The following PLCG2 variants were observed in gnomAD, a reference collection of about 807,000 sequenced individuals.
The protein encoded by PLCG2 is phospholipase C gamma 2.
Under a neutral mutation model 175.6 loss-of-function variants are expected in PLCG2, and 69 were observed. That is an observed-to-expected ratio of 0.39 (90% confidence interval 0.32 to 0.48). The LOEUF is 0.48. Ranked by LOEUF, PLCG2 falls within the 20% of genes least tolerant of loss-of-function variation. The pLI is 0.91. For synonymous variants in PLCG2, 827 were observed against 624.0 expected (o/e 1.33, Z -4.85); for missense variants, 1,798 against 1,650.9 (o/e 1.09, Z -1.54).
At chr16:81,864,727 G>A (rs909990758) in intron 5 of PLCG2, among the ~76,000 whole-genome samples, 3 of 152,236 alleles carry the variant, frequency 2.0e-5, no homozygotes, top group Middle Eastern at 6.8e-3. Flanking sequence ...TGGAGGTGCC[G>A]GCCCAGCCTC....
chr16:81,836,479 G>A (rs761196979), intron 2 of PLCG2, among the ~76,000 whole-genome samples: 2 of 152,200 alleles, frequency 1.3e-5, no homozygotes, highest in Non-Finnish European at 2.9e-5. Flanking sequence ...GGTGACTCAT[G>A]CCTGTAATTC....
At chr16:81,854,210 C>G (rs1468307997) in intron 2 of PLCG2, among the ~76,000 whole-genome samples, 3 of 152,118 alleles carry the variant, frequency 2.0e-5, no homozygotes, top group South Asian at 2.1e-4. Flanking sequence ...AGCGGAAACC[C>G]CAAACTCTTC....
At chr16:81,957,381 A>G (rs2143782847) in intron 32 of PLCG2, among the ~76,000 whole-genome samples, 1 of 152,320 alleles carries the variant, frequency 6.6e-6, no homozygotes, top group East Asian at 1.9e-4. Flanking sequence ...ACCTACAGTA[A>G]TACCTTAGGC....
At chr16:81,835,454 G>C (rs948220807) in intron 2 of PLCG2, among the ~76,000 whole-genome samples, 1 of 151,960 alleles carries the variant, frequency 6.6e-6, no homozygotes, top group African/African-American at 2.4e-5. Flanking sequence ...AAATTCGCCG[G>C]GTGTGGTGAC....
At chr16:81,882,347 G>C (rs1273155348) in intron 8 of PLCG2, among the ~76,000 whole-genome samples, 1 of 152,082 alleles carries the variant, frequency 6.6e-6, no homozygotes, top group East Asian at 1.9e-4. Flanking sequence ...GCTTGGTCCA[G>C]GGAAGTGTCT....
chr16:81,813,406 C>G (rs774062083), intron 2 of PLCG2, among the ~76,000 whole-genome samples: 1 of 152,020 alleles, frequency 6.6e-6, no homozygotes, highest in African/African-American at 2.4e-5. Context: ...AAGTTGTATT[C>G]CTAGGTATTT....
At position 81,910,539 on chromosome 16, in the gene PLCG2, C is replaced by T; in HGVS notation, c.1753C>T (p.His585Tyr). 1 of 1,614,058 alleles carries T rather than the reference C, an allele frequency of 6.2e-7. No homozygotes were observed. Among genetic ancestry groups the T allele is most frequent in the Non-Finnish European group, 8.5e-7 (1 of 1,179,988 alleles). The change falls in exon 18 of 33, where the codon CAC becomes TAC. Residue 585 changes from histidine to tyrosine, a missense_variant. Physicochemically the swap from His to Tyr is moderately conservative, Grantham distance 83 (BLOSUM62 2). Transcript: ENST00000564138. The stretch of plus-strand genomic sequence containing the variant: ...CCGCAGGCGGTCAGGCCGGGTCCAG[C>T]ACTGCCGGATCCGCTCCACCATGGA... ...LSFWRSGRVQ[H>Y]CRIRSTMEGG...
chr16:81,870,032 G>C (rs1036108070), intron 6 of PLCG2, among the ~76,000 whole-genome samples: 4 of 152,120 alleles, frequency 2.6e-5, no homozygotes, highest in Non-Finnish European at 5.9e-5. Flanking sequence ...TTTCATTTTT[G>C]TATTAATGAG....
intron 2 of PLCG2, among the ~76,000 whole-genome samples, chr16:81,799,881 C>T (rs758416405): frequency 1.3e-5 from 2 of 152,226 alleles, no homozygotes; most frequent in Non-Finnish European, 2.9e-5. Context: ...GTGTGAACCA[C>T]TGAGCCCAGC....
intron 2 of PLCG2, among the ~76,000 whole-genome samples, chr16:81,839,786 C>A (rs1041130828): frequency 6.6e-6 from 1 of 152,210 alleles, no homozygotes; most frequent in Non-Finnish European, 1.5e-5. Context: ...CATGGTGGCT[C>A]ATGCCTGTAA....
intron 25 of PLCG2, among the ~76,000 whole-genome samples, chr16:81,932,918 A>G (rs1370026675): frequency 2.0e-5 from 3 of 152,202 alleles, no homozygotes; most frequent in Non-Finnish European, 2.9e-5. Flanking sequence ...TCTGCCCTCC[A>G]GTGTCTCTGA....
intron 30 of PLCG2, among the ~76,000 whole-genome samples, chr16:81,940,625 A>AT (rs774847607): frequency 1.1e-3 from 168 of 152,272 alleles, no homozygotes; most frequent in Non-Finnish European, 1.3e-3. Flanking sequence ...GTCATTTTGT[A>AT]TTTTTCTGCA....
chr16:81,908,822 A>G (rs949052873), intron 17 of PLCG2, among the ~76,000 whole-genome samples: 1 of 152,180 alleles, frequency 6.6e-6, no homozygotes, highest in African/African-American at 2.4e-5. Context: ...AATCAAAAGT[A>G]ATGCAAAAAA....
intron 22 of PLCG2, among the ~76,000 whole-genome samples, chr16:81,923,909 A>G (rs376308756): frequency 1.6e-4 from 25 of 152,310 alleles, no homozygotes; most frequent in African/African-American, 5.5e-4. Context: ...TGCATTGTCT[A>G]ACCAAATCTT....
intron 7 of PLCG2, among the ~76,000 whole-genome samples, chr16:81,872,317 G>C (rs1907555136): frequency 6.6e-6 from 1 of 152,206 alleles, no homozygotes; most frequent in Non-Finnish European, 1.5e-5. Flanking sequence ...AACAGAGTGA[G>C]ACTCCATCTC....
upstream of PLCG2, among the ~76,000 whole-genome samples, chr16:81,778,504 C>T (rs1027316915): frequency 6.6e-6 from 1 of 152,210 alleles, no homozygotes; most frequent in African/African-American, 2.4e-5. Context: ...GGGTTTGAAT[C>T]AGATAGCTTC....
intron 20 of PLCG2, among the ~76,000 whole-genome samples, chr16:81,920,914 C>G (rs2143686149): frequency 6.6e-6 from 1 of 152,288 alleles, no homozygotes; most frequent in African/African-American, 2.4e-5. Context: ...GTCACTCCAG[C>G]ACACCATCGC....
chr16:81,957,204 C>A (rs538455081), intron 32 of PLCG2, among the ~76,000 whole-genome samples: 3 of 152,230 alleles, frequency 2.0e-5, no homozygotes, highest in Admixed American at 6.5e-5. Flanking sequence ...GAGGCTGAGG[C>A]AGGAGAATCA....
rs1362090127 is a variant in PLCG2 at position 81,891,528 on chromosome 16, G to T, written c.924G>T (p.Ala308=). Residue 308 remains alanine (A), a synonymous_variant, in exon 11 of 33, where the codon GCG becomes GCT. Coordinates refer to ENST00000564138, the MANE Select transcript of PLCG2 (RefSeq NM_002661.5). ...GCATCTGGGATGAGAAGTATGACGCGGTGGACATGCAGGACATGAACAACC... is the reference window on the plus strand; with the variant it reads ...GCATCTGGGATGAGAAGTATGACGCTGTGGACATGCAGGACATGAACAACC... The part of the protein sequence containing the change: ...ENSIWDEKYD[A]VDMQDMNNPL... 1 of 1,612,846 alleles carries T rather than the reference G, an allele frequency of 6.2e-7. No individual in the cohort carries two copies. Among genetic ancestry groups the T allele is most frequent in the South Asian group, 1.1e-5 (1 of 91,070 alleles).
Sources: gnomAD v4.1 joint callset for allele counts (sites outside exome capture counted in the v4.1 genomes callset) on GRCh38, gnomAD v4.1.1 for gene constraint, MANE v1.5 for transcripts, NCBI Gene and HGNC (gene_info 2026-07-23, HGNC 2026-07-21) for gene names.